Variants in SH3RF2 observed in about 807,000 individuals in gnomAD.
The protein encoded by SH3RF2 is SH3 domain containing ring finger 2, also known as E3 ubiquitin-protein ligase SH3RF2.
Under a neutral mutation model 59.0 loss-of-function variants are expected in SH3RF2, and 43 were observed. The ratio of observed to expected loss-of-function variants is 0.73; its 90% CI spans 0.57 to 0.94. SH3RF2 has a LOEUF of 0.94. Among genes scored for constraint, SH3RF2 ranks in the 40% least tolerant of loss-of-function variants. The probability of loss-of-function intolerance (pLI) is 0.00; values close to 1 mark genes in which losing one functional copy is unlikely to be tolerated. For missense variants in SH3RF2, 930 were observed against 940.1 expected, an observed-to-expected ratio of 0.99 and a Z score of 0.14; for synonymous variants, 391 against 391.5, an observed-to-expected ratio of 1.00 and a Z score of 0.01.
chr5:146,029,640 C>T (rs973218581), intron 5 of SH3RF2, among the ~76,000 whole-genome samples: 1 of 152,114 alleles, frequency 6.6e-6, no homozygotes, highest in African/African-American at 2.4e-5. Flanking sequence ...GAAAATCAGG[C>T]CTTCTTCCTA....
rs1383718458 is a variant in SH3RF2, at chr5:145,938,175, G to A, written c.247G>A (p.Gly83Arg). 8 of 1,613,936 alleles carry A rather than the reference G, an allele frequency of 5.0e-6. No individual in the cohort carries two copies. In the East Asian group the frequency reaches 6.7e-5, roughly 13 times the overall value. The change falls in exon 2 of 10, where the codon GGG (glycine) becomes AGG (arginine). Residue 83 changes from glycine (G) to arginine (R), a missense_variant. By Grantham distance (125) the Gly-to-Arg change is moderately radical. Transcript: ENST00000359120. ...TGGAGTGCGCTCAGGGCAGAGCTCC[G>A]GGAGAGGGGGCTCCTTCCGCAGGCC... is the stretch of plus-strand genomic sequence containing the variant. ...LDGVRSGQSSGRGGSFRRPGT... is the reference protein window; with the variant it reads ...LDGVRSGQSSRRGGSFRRPGT...
At chr5:146,028,209 C>CACACAGAG (rs1491332228) in intron 5 of SH3RF2, among the ~76,000 whole-genome samples, 3 of 128,938 alleles carry the variant, frequency 2.3e-5, no homozygotes, top group Admixed American at 7.7e-5. Context: ...CACACACACA[C>CACACAGAG]AGAGATAATT....
intron 7 of SH3RF2, among the ~76,000 whole-genome samples, chr5:146,052,695 A>G (rs146191634): frequency 3.9e-5 from 6 of 152,266 alleles, no homozygotes; most frequent in Admixed American, 6.5e-5. Flanking sequence ...AATCTCCCAC[A>G]TGAATGATAC....
At chr5:145,948,965 T>C (rs17104071) in intron 2 of SH3RF2, among the ~76,000 whole-genome samples, 14,683 of 152,294 alleles carry the variant, frequency 0.096, 1,070 homozygotes, top group East Asian at 0.27. Context: ...TACTTAATTA[T>C]TGAATGCATA....
At position 146,047,785 on chromosome 5, in the gene SH3RF2, A is replaced by G. The variant is rs1329268075; in HGVS notation, c.1073A>G (p.His358Arg). Residue 358 changes from histidine to arginine, a missense_variant, in exon 6 of 10, where the codon CAC becomes CGC. Coordinates refer to ENST00000359120, the MANE Select transcript of SH3RF2 (RefSeq NM_152550.4). Reference sequence around the variant, plus strand: ...CTGTCTGTGCAGGTCAGCACTTATCACCCCGCACCTGTCTCTCCAGGACAT... The same window carrying G: ...CTGTCTGTGCAGGTCAGCACTTATCGCCCCGCACCTGTCTCTCCAGGACAT... The part of the protein sequence containing the change: ...SSCVGQVSTY[H>R]PAPVSPGHST... The G allele has an allele frequency of 6.2e-7, 1 of 1,613,634 alleles. No homozygotes were observed. Among genetic ancestry groups the G allele is most frequent in the Admixed American group, 1.7e-5 (1 of 59,952 alleles).
intron 2 of SH3RF2, among the ~76,000 whole-genome samples, chr5:145,957,325 A>G (rs1758455170): frequency 6.6e-6 from 1 of 152,208 alleles, no homozygotes; most frequent in African/African-American, 2.4e-5. Flanking sequence ...CAATAATGAC[A>G]GTAGAAGACC....
intron 4 of SH3RF2, among the ~76,000 whole-genome samples, chr5:146,006,723 G>C (rs1190084963): frequency 6.6e-6 from 1 of 152,212 alleles, no homozygotes; most frequent in Non-Finnish European, 1.5e-5. Flanking sequence ...AGTCAGGATA[G>C]GCTAGGTTAT....
At chr5:146,014,231 C>T (rs1761024279) in intron 5 of SH3RF2, among the ~76,000 whole-genome samples, 170 bp downstream of exon 5, 1 of 152,134 alleles carries the variant, frequency 6.6e-6, no homozygotes, top group African/African-American at 2.4e-5. Flanking sequence ...TTATTTCATC[C>T]TTGAACAGCC....
chr5:145,981,597 C>T (rs1008669035), intron 2 of SH3RF2, among the ~76,000 whole-genome samples: 6 of 152,158 alleles, frequency 3.9e-5, no homozygotes, highest in Non-Finnish European at 8.8e-5. Context: ...TGAGTTTTTC[C>T]TATTGCATCC....
At chr5:146,001,098 A>T (rs1450019536) in intron 3 of SH3RF2, among the ~76,000 whole-genome samples, 1 of 152,238 alleles carries the variant, frequency 6.6e-6, no homozygotes, top group African/African-American at 2.4e-5. Flanking sequence ...TTTTTCAAAC[A>T]TTAATTACCC....
intron 5 of SH3RF2, 67 bp from the exon 6 acceptor site, chr5:146,047,705 C>A: frequency 6.8e-7 from 1 of 1,467,980 alleles, no homozygotes; most frequent in Non-Finnish European, 9.5e-7. Context: ...CGTAGCTGCT[C>A]TGTTTGCTGT....
At chr5:145,979,972 C>T (rs192454763) in intron 2 of SH3RF2, among the ~76,000 whole-genome samples, 1 of 152,302 alleles carries the variant, frequency 6.6e-6, no homozygotes, top group African/African-American at 2.4e-5. Flanking sequence ...TATTCCAGAG[C>T]CCGTGAGGTG....
At chr5:145,995,437 T>TC (rs35177665) in intron 2 of SH3RF2, among the ~76,000 whole-genome samples, 8 of 152,096 alleles carry the variant, frequency 5.3e-5, no homozygotes, top group Non-Finnish European at 1.0e-4. Context: ...TTTGGGTCAT[T>TC]CCCCAGAAAC....
intron 2 of SH3RF2, among the ~76,000 whole-genome samples, chr5:145,983,812 C>T (rs1290284329): frequency 6.6e-6 from 1 of 152,160 alleles, no homozygotes; most frequent in Non-Finnish European, 1.5e-5. Context: ...GTCTCCAAGG[C>T]AAGTACCCAC....
At chr5:146,075,819 C>G (rs953090515) in intron 9 of SH3RF2, among the ~76,000 whole-genome samples, 1 of 140,644 alleles carries the variant, frequency 7.1e-6, no homozygotes, top group Non-Finnish European at 1.5e-5. Context: ...GATGAAAAAG[C>G]TATCTCCAGA....
chr5:145,962,385 A>G (rs17104089), intron 2 of SH3RF2, among the ~76,000 whole-genome samples: 11,986 of 152,274 alleles, frequency 0.079, 1,591 homozygotes, highest in African/African-American at 0.27. Context: ...CATGAGTGTT[A>G]AAAGCAAAAA....
chr5:146,057,918 G>T, intron 8 of SH3RF2, among the ~76,000 whole-genome samples: 1 of 147,002 alleles, frequency 6.8e-6, no homozygotes, highest in Non-Finnish European at 1.5e-5. Context: ...CTCCAGTCTG[G>T]GCTGTTAGTG....
chr5:146,077,759 C>T (rs1763365831), intron 9 of SH3RF2, among the ~76,000 whole-genome samples: 1 of 152,202 alleles, frequency 6.6e-6, no homozygotes, highest in African/African-American at 2.4e-5. Flanking sequence ...TTCAAGACCA[C>T]ATCTTGCATA....
intron 2 of SH3RF2, among the ~76,000 whole-genome samples, chr5:145,955,792 A>T (rs1161145206): frequency 6.6e-6 from 1 of 152,226 alleles, no homozygotes; most frequent in African/African-American, 2.4e-5. Context: ...ATTCAATGTC[A>T]TATAAAATGT....
Sources: allele counts gnomAD v4.1 joint callset (sites outside exome capture counted in the v4.1 genomes callset), GRCh38; gene constraint gnomAD v4.1.1; transcripts MANE v1.5; gene names NCBI Gene and HGNC (gene_info 2026-07-23, HGNC 2026-07-21).